The following LAMA1 variants were observed in gnomAD, a reference collection of about 807,000 sequenced individuals.
LAMA1 encodes laminin subunit alpha 1.
In LAMA1, 219 loss-of-function variants were observed where a neutral mutation model predicts 348.7. The ratio of observed to expected loss-of-function variants is 0.63; its 90% CI spans 0.56 to 0.70. The LOEUF (loss-of-function observed/expected upper bound fraction) is 0.70, where lower values mean the gene tolerates loss of function less well. LAMA1 is among the 30% of genes least tolerant of loss of function. LAMA1 has a pLI of 0.00. For missense variants in LAMA1, 3,744 were observed against 3,888.0 expected (o/e 0.96, Z 0.99); for synonymous variants, 1,487 against 1,491.0 (o/e 1.00, Z 0.06).
chr18:6,944,009 G>C (rs2143960960), intron 61 of LAMA1, among the ~76,000 whole-genome samples: 1 of 152,164 alleles, frequency 6.6e-6, no homozygotes, highest in South Asian at 2.1e-4. Context: ...GGAGGTGCTG[G>C]TCATACTTTC....
chr18:6,979,782 C>G (rs1001754683), intron 42 of LAMA1, among the ~76,000 whole-genome samples: 1 of 151,886 alleles, frequency 6.6e-6, no homozygotes, highest in Non-Finnish European at 1.5e-5. Flanking sequence ...GCCTGTAGTC[C>G]CAGCTACTCG....
chr18:6,946,217 C>A (rs553090840), intron 61 of LAMA1, among the ~76,000 whole-genome samples: 2 of 152,196 alleles, frequency 1.3e-5, no homozygotes, highest in East Asian at 3.9e-4. Flanking sequence ...ATATGCACAA[C>A]CACCCAGATG....
At chr18:7,001,460 A>G (rs191314263) in intron 30 of LAMA1, among the ~76,000 whole-genome samples, 5 of 152,266 alleles carry the variant, frequency 3.3e-5, no homozygotes, top group African/African-American at 1.2e-4. Context: ...AAAAATAAGC[A>G]CTAGTAACAA....
chr18:7,112,464 A>G (rs1342118756), intron 1 of LAMA1, among the ~76,000 whole-genome samples: 1 of 152,138 alleles, frequency 6.6e-6, no homozygotes, highest in African/African-American at 2.4e-5. Context: ...CTGAAGAAAC[A>G]TCTTTAGACG....
At chr18:7,002,185 C>T (rs750575235) in intron 30 of LAMA1, 79 bp downstream of exon 30, 554 of 1,573,546 alleles carry the variant, frequency 3.5e-4, no homozygotes, top group Non-Finnish European at 4.7e-4. Context: ...ACAGACCACT[C>T]AGAGACCCTT....
At position 7,044,758 on chromosome 18, in the gene LAMA1, T is replaced by G; in HGVS notation, c.940A>C (p.Arg314=). ...CCPGYHQQPW[R]PGTVSSGNTC... Reference sequence around the variant, plus strand: ...TTGCCGGAGGACACGGTTCCCGGCCTCCAGGGCTGCTGATGGTACCCAGGA... The same window carrying G: ...TTGCCGGAGGACACGGTTCCCGGCCGCCAGGGCTGCTGATGGTACCCAGGA... The change falls in exon 7 of 63, where the codon AGG becomes CGG. Residue 314 remains arginine, a synonymous_variant. Coordinates refer to ENST00000389658, the MANE Select transcript of LAMA1 (RefSeq NM_005559.4). The G allele has an allele frequency of 1.2e-6, 2 of 1,614,218 alleles. No individual in the cohort carries two copies. Among genetic ancestry groups the G allele is most frequent in the Non-Finnish European group, 1.7e-6 (2 of 1,180,044 alleles).
At chr18:7,114,402 G>A (rs986800962) in intron 1 of LAMA1, among the ~76,000 whole-genome samples, 12 of 152,192 alleles carry the variant, frequency 7.9e-5, no homozygotes, top group African/African-American at 2.9e-4. Flanking sequence ...TTGAGCCCAA[G>A]ACTATTTGAT....
At chr18:7,013,747 A>T in intron 23 of LAMA1, 68 bp downstream of exon 23, 1 of 1,480,066 alleles carries the variant, frequency 6.8e-7, no homozygotes, top group Non-Finnish European at 9.4e-7. Context: ...TTAGGTAAGT[A>T]GTCAAAGCCC....
At chr18:7,091,090 T>C (rs905210047) in intron 1 of LAMA1, among the ~76,000 whole-genome samples, 17 of 152,236 alleles carry the variant, frequency 1.1e-4, no homozygotes, top group Non-Finnish European at 2.5e-4. Context: ...TCATATTCAA[T>C]GACTCTGTGA....
intron 55 of LAMA1, among the ~76,000 whole-genome samples, chr18:6,957,785 C>CTTTTTTT (rs58835769): frequency 1.3e-5 from 2 of 150,760 alleles, no homozygotes; most frequent in African/African-American, 4.9e-5. Flanking sequence ...GCTTCCAGTT[C>CTTTTTTT]TTTTTTTTTC....
chr18:7,008,437 G>A (rs1325539662), intron 28 of LAMA1, 51 bp downstream of exon 28: 2 of 1,608,932 alleles, frequency 1.2e-6, no homozygotes, highest in Non-Finnish European at 8.5e-7. Flanking sequence ...GCTGTAACAA[G>A]CACATTTCAA....
chr18:6,958,643 C>A lies in LAMA1; in HGVS notation c.7798G>T (p.Asp2600Tyr). The change falls in exon 55 of 63, where the codon GAT (aspartate) becomes TAT (tyrosine). Residue 2600 changes from aspartate to tyrosine, a missense_variant. Coordinates refer to ENST00000389658, the MANE Select transcript of LAMA1 (RefSeq NM_005559.4). ...TTCATTTCCACAGGATTGTTCTCAT[C>A]CAATTGGACAGTGATAATTCTAAAA... ...RNRRIITVQL[D>Y]ENNPVEMKLG... 2 of 1,613,930 alleles carry A rather than the reference C, an allele frequency of 1.2e-6. No homozygotes were observed. Among genetic ancestry groups the A allele is most frequent in the African/African-American group, 1.3e-5 (1 of 75,016 alleles).
At chr18:7,011,168 T>C in intron 25 of LAMA1, 132 bp downstream of exon 25, 1 of 1,009,524 alleles carries the variant, frequency 9.9e-7, no homozygotes. Context: ...TAAACTTCTC[T>C]GATCCCACTT....
At chr18:7,063,291 T>G (rs2058109876) in intron 3 of LAMA1, among the ~76,000 whole-genome samples, 1 of 151,138 alleles carries the variant, frequency 6.6e-6, no homozygotes, top group Admixed American at 6.6e-5. Context: ...ACTGAGTATC[T>G]AACTGACAAA....
chr18:7,097,951 A>G (rs1449452856), intron 1 of LAMA1, among the ~76,000 whole-genome samples: 1 of 149,286 alleles, frequency 6.7e-6, no homozygotes, highest in Admixed American at 6.7e-5. Context: ...GCTCACTGCA[A>G]CCTCCCTGCC....
rs769821635 is a variant in LAMA1, at chr18:6,971,935, T to C, written c.6821A>G (p.Glu2274Gly). 7.4e-6 allele frequency: 12 copies of C among 1,613,960 alleles called. No homozygotes were observed. Among genetic ancestry groups the C allele is most frequent in the Middle Eastern group, 1.6e-4 (1 of 6,062 alleles). Residue 2274 changes from glutamate to glycine, a missense_variant, in exon 48 of 63, where the codon GAG (glutamate) becomes GGG (glycine). By Grantham distance (98) the Glu-to-Gly change is moderately conservative (BLOSUM62 -2). Transcript: ENST00000389658. ...KVTHFKGCLG[E>G]AFLNGKSIGL... is the part of the protein sequence containing the mutation. ...TATGGATTTTCCATTCAGGAAGGCC[T>C]CCCCCAAGCAGCCTTTAAAATGAGT...
chr18:7,015,013 AT>A (rs543869521), intron 22 of LAMA1, among the ~76,000 whole-genome samples: 1 of 151,552 alleles, frequency 6.6e-6, no homozygotes, highest in African/African-American at 2.4e-5. Flanking sequence ...CGCCCAGCTA[AT>A]TTTTTTTGTA....
At chr18:7,100,219 T>C (rs559091140) in intron 1 of LAMA1, among the ~76,000 whole-genome samples, 1 of 152,254 alleles carries the variant, frequency 6.6e-6, no homozygotes, top group East Asian at 1.9e-4. Context: ...GAATAGACAT[T>C]TCACCAAAGA....
chr18:7,058,145 C>A (rs1431744605), intron 3 of LAMA1, among the ~76,000 whole-genome samples: 2 of 152,074 alleles, frequency 1.3e-5, no homozygotes, highest in African/African-American at 4.8e-5. Context: ...ATTTTACCAA[C>A]CTTTTGCCAG....
Sources: allele counts gnomAD v4.1 joint callset (sites outside exome capture counted in the v4.1 genomes callset), GRCh38; gene constraint gnomAD v4.1.1; transcripts MANE v1.5; gene names NCBI Gene and HGNC (gene_info 2026-07-23, HGNC 2026-07-21).